Variants in TLK1 observed in about 807,000 individuals in gnomAD.
TLK1 encodes the protein tousled like kinase 1.
TLK1 carries 24 observed loss-of-function variants against 105.3 expected under a neutral mutation model. The ratio of observed to expected loss-of-function variants is 0.23; its 90% CI spans 0.17 to 0.32. TLK1 has a LOEUF of 0.32. Ranked by LOEUF, TLK1 falls within the 10% of genes least tolerant of loss-of-function variation. The pLI is 1.00. For missense variants in TLK1, 558 were observed against 910.5 expected (o/e 0.61, Z 4.98); for synonymous variants, 321 against 310.4 (o/e 1.03, Z -0.36).
intron 3 of TLK1, among the ~76,000 whole-genome samples, chr2:171,066,418 C>T (rs1687993947): frequency 6.6e-6 from 1 of 152,070 alleles, no homozygotes; most frequent in Non-Finnish European, 1.5e-5. Context: ...GGGTAACCAC[C>T]CAACTAAAAT....
In TLK1 at chr2:170,993,686, A is replaced by AAAG. The variant is rs1553602288; in HGVS notation, c.*93_*94insCTT. The AAAG allele has an allele frequency of 1.4e-5, 14 of 1,000,960 alleles. No individual in the cohort carries two copies. Among genetic ancestry groups the AAAG allele is most frequent in the East Asian group, 9.8e-5 (3 of 30,756 alleles). The allele number at this position is 1,000,960 out of a possible 1,614,324, so 62.0% of individuals were successfully genotyped here. A position where few individuals can be genotyped will look rare whatever the true frequency, so the allele number is the denominator to read the frequency against. ...TCTTGTGTAAAAAAAAAAAAAAAAA[A>AAAG]AAAAGAAAAAGAAAACAAACACTCA... is the stretch of plus-strand genomic sequence containing the variant. On this transcript the variant is annotated 3_prime_UTR_variant, in exon 21 of 21. Transcript: ENST00000431350.
chr2:171,024,503 C>CAAAAGAAA (rs1685683630), intron 12 of TLK1, among the ~76,000 whole-genome samples: 1 of 152,022 alleles, frequency 6.6e-6, no homozygotes, highest in Non-Finnish European at 1.5e-5. Context: ...CGCCACACAC[C>CAAAAGAAA]AAAAGAAAAC....
chr2:171,184,744 T>C (rs1692992720), intron 1 of TLK1, among the ~76,000 whole-genome samples: 1 of 152,172 alleles, frequency 6.6e-6, no homozygotes, highest in Non-Finnish European at 1.5e-5. Context: ...TCATCCTTAC[T>C]GTATGTATAA....
chr2:171,050,860 T>C (rs1419056461), intron 8 of TLK1, among the ~76,000 whole-genome samples: 1 of 152,184 alleles, frequency 6.6e-6, no homozygotes, highest in East Asian at 1.9e-4. Flanking sequence ...TCCCAGAGCT[T>C]CTGAATCAGG....
chr2:171,032,133 C>T (rs1686076158), intron 11 of TLK1, among the ~76,000 whole-genome samples: 1 of 152,104 alleles, frequency 6.6e-6, no homozygotes, highest in Admixed American at 6.6e-5. Context: ...GGCAAACTAA[C>T]ATCATAGTTA....
intron 10 of TLK1, among the ~76,000 whole-genome samples, chr2:171,046,596 T>C (rs1251589974): frequency 6.6e-6 from 1 of 152,170 alleles, no homozygotes; most frequent in Non-Finnish European, 1.5e-5. Flanking sequence ...CCATATATAA[T>C]TTCATGGGAT....
At chr2:171,145,756 T>A (rs1365508520) in intron 1 of TLK1, among the ~76,000 whole-genome samples, 1 of 152,208 alleles carries the variant, frequency 6.6e-6, no homozygotes, top group East Asian at 1.9e-4. Context: ...CAATTAAAAT[T>A]ACAGTTTCAG....
chr2:171,013,236 C>T lies in TLK1; in HGVS notation c.1334+1615G>A, dbSNP rs181725649. Among the ~76,000 whole-genome samples the T allele has an allele frequency of 5.3e-5, 8 of 151,288 alleles. No homozygotes were observed. In the East Asian group the frequency reaches 1.6e-3, roughly 29 times the overall value. On this transcript the variant is annotated intron_variant, in intron 13 of 20. Coordinates refer to ENST00000431350, the MANE Select transcript of TLK1 (RefSeq NM_012290.5). ...CCATGTTGGCCAGGTTGGTCTCGAA[C>T]TCCTAACCTCAAGAGATCCGCCCAC...
At chr2:171,024,273 G>T (rs778291859) in intron 12 of TLK1, among the ~76,000 whole-genome samples, 19 of 151,952 alleles carry the variant, frequency 1.3e-4, no homozygotes, top group Non-Finnish European at 2.5e-4. Flanking sequence ...TTAAAAATGT[G>T]CTTTTTAAAA....
chr2:171,072,339 T>C (rs531357482), intron 3 of TLK1, among the ~76,000 whole-genome samples: 139 of 152,340 alleles, frequency 9.1e-4, no homozygotes, highest in African/African-American at 3.1e-3. Context: ...AAAAGCTGGG[T>C]GCGGTGGCTC....
intron 1 of TLK1, among the ~76,000 whole-genome samples, chr2:171,191,409 T>G (rs75974549): frequency 1.3e-5 from 2 of 150,230 alleles, no homozygotes; most frequent in African/African-American, 5.0e-5. Context: ...CACCCCCCCC[T>G]CTAAAAAAAT....
intron 10 of TLK1, among the ~76,000 whole-genome samples, chr2:171,048,304 C>T (rs1687057782): frequency 1.3e-5 from 2 of 152,202 alleles, no homozygotes; most frequent in South Asian, 2.1e-4. Flanking sequence ...ATTTATATTT[C>T]AGAACATTCA....
chr2:171,101,798 T>A (rs896843281), intron 2 of TLK1, among the ~76,000 whole-genome samples: 9 of 151,404 alleles, frequency 5.9e-5, no homozygotes, highest in African/African-American at 2.2e-4. Flanking sequence ...AAAGAATAGG[T>A]TTTTTTAAAA....
intron 14 of TLK1, among the ~76,000 whole-genome samples, chr2:171,010,169 T>G (rs1684842692): frequency 6.6e-6 from 1 of 152,050 alleles, no homozygotes; most frequent in Non-Finnish European, 1.5e-5. Context: ...ATGGCTGAAT[T>G]TAGGAGAACT....
In TLK1 at chr2:170,993,138, A is replaced by T. The variant is rs1024495370; in HGVS notation, c.*642T>A. The T allele has an allele frequency of 6.5e-6, 1 of 152,692 alleles. No homozygotes were observed. The highest frequency in any genetic ancestry group is 6.5e-5 in the Admixed American group (1 of 15,284). The allele number at this position is 152,692 out of a possible 1,614,324, so 9.5% of individuals were successfully genotyped here. A position where few individuals can be genotyped will look rare whatever the true frequency, so the allele number is the denominator to read the frequency against. ...TAGAAATAATAGCTCTCCCTTTAAT[A>T]TAACCAGTGAAAGAAAACGGACATG... On this transcript the variant is annotated 3_prime_UTR_variant, in exon 21 of 21. Transcript: ENST00000431350.
intron 17 of TLK1, 73 bp from the exon 18 acceptor site, chr2:171,006,355 C>T: frequency 6.8e-7 from 1 of 1,475,526 alleles, no homozygotes; most frequent in South Asian, 1.4e-5. Context: ...TTTAATTTTA[C>T]TAGTATTTTA....
At chr2:171,211,578 C>T (rs1693613725) in intron 1 of TLK1, among the ~76,000 whole-genome samples, 1 of 151,596 alleles carries the variant, frequency 6.6e-6, no homozygotes, top group Admixed American at 6.6e-5. Context: ...AGATTAGAGT[C>T]TTGCGCTGTC....
chr2:171,038,067 C>T (rs145102858), intron 11 of TLK1, among the ~76,000 whole-genome samples: 3 of 152,256 alleles, frequency 2.0e-5, no homozygotes, highest in Non-Finnish European at 4.4e-5. Context: ...GTTTCTTCTA[C>T]TGTCAGTTTT....
intron 1 of TLK1, among the ~76,000 whole-genome samples, chr2:171,222,807 CTATT>C (rs149339297): frequency 1.6e-3 from 236 of 150,576 alleles, no homozygotes; most frequent in African/African-American, 5.1e-3. Context: ...TAACTATAGT[CTATT>C]TATTTATTTA....
Sources: allele counts gnomAD v4.1 joint callset (sites outside exome capture counted in the v4.1 genomes callset), GRCh38; gene constraint gnomAD v4.1.1; transcripts MANE v1.5; gene names NCBI Gene and HGNC (gene_info 2026-07-23, HGNC 2026-07-21).